Variants in PKD2L1 observed in about 807,000 individuals in gnomAD.
The protein encoded by PKD2L1 is polycystin-2-like protein 1.
A neutral mutation model predicts 93.0 loss-of-function variants in PKD2L1; 77 were observed. The ratio of observed to expected loss-of-function variants is 0.83; its 90% CI spans 0.69 to 1.00. The LOEUF is 1.00. Ranked by LOEUF, PKD2L1 falls within the 50% of genes least tolerant of loss-of-function variation. The probability of loss-of-function intolerance (pLI) is 0.00; values close to 1 mark genes in which losing one functional copy is unlikely to be tolerated. For missense variants in PKD2L1, 977 were observed against 990.9 expected (o/e 0.99, Z 0.19); for synonymous variants, 390 against 388.0 (o/e 1.01, Z -0.06).
In PKD2L1 at chr10:100,298,713, G is replaced by A; in HGVS notation, c.580C>T (p.Leu194=). The A allele has an allele frequency of 1.2e-6, 2 of 1,614,126 alleles. No homozygotes were observed. The highest frequency in any genetic ancestry group is 1.7e-6 in the Non-Finnish European group (2 of 1,180,024). Residue 194 remains leucine, a synonymous_variant, in exon 4 of 16, where the codon CTG becomes TTG. Transcript: ENST00000318222. ...TGCCGCAGCCTCGGAACCCCCAGCA[G>A]CATGTTCTCATAGTAGATGAAGGAG... ...SHSFIYYENM[L]LGVPRLRQLK...
chr10:100,321,851 G>GC lies in PKD2L1; in HGVS notation c.349+7359_349+7360insG, dbSNP rs1483918018. Among the ~76,000 whole-genome samples, 3 of 1,222 alleles carry GC rather than the reference G, an allele frequency of 2.5e-3. 1 individual carries two copies. The highest frequency in any genetic ancestry group is 3.8e-3 in the African/African-American group (3 of 786). 0.8% of individuals were successfully genotyped at this position (1,222 alleles called of 152,430 possible). A position where few individuals can be genotyped will look rare whatever the true frequency, so the allele number is the denominator to read the frequency against. On this transcript the variant is annotated intron_variant, in intron 2 of 15. Coordinates refer to ENST00000318222, the MANE Select transcript of PKD2L1 (RefSeq NM_016112.3). The stretch of plus-strand genomic sequence containing the variant: ...AGAAAGAAGGAAAGCAAGCAAGCAA[G>GC]AAGGCAGGCAGGCAGGCAGGCAGGC...
intron 2 of PKD2L1, among the ~76,000 whole-genome samples, chr10:100,324,851 G>A (rs1041695742): frequency 1.3e-5 from 2 of 152,126 alleles, no homozygotes; most frequent in African/African-American, 2.4e-5. Context: ...ATTTGAACCC[G>A]GTCATGGGAA....
intron 2 of PKD2L1, among the ~76,000 whole-genome samples, chr10:100,302,280 C>CACACACACACACAT (rs1554916598): frequency 2.0e-5 from 3 of 150,736 alleles, no homozygotes; most frequent in African/African-American, 4.9e-5. Flanking sequence ...CACACACACA[C>CACACACACACACAT]ATATCAATTA....
At chr10:100,308,670 A>G in intron 2 of PKD2L1, among the ~76,000 whole-genome samples, 1 of 152,220 alleles carries the variant, frequency 6.6e-6, no homozygotes, top group East Asian at 1.9e-4. Flanking sequence ...AAAAGATAAT[A>G]TAGCAAGCAA....
rs75757231 is a variant in PKD2L1, at chr10:100,307,239, C to T, written c.350-7521G>A. Among the ~76,000 whole-genome samples the T allele has an allele frequency of 2.0e-5, 3 of 152,216 alleles. No homozygotes were observed. In the East Asian group the frequency reaches 5.8e-4, roughly 29 times the overall value. Reference sequence around the variant, plus strand: ...GCGGTGGGTGCCAATATTATCCATGCTTTCCAGTTTTGGAGAGTTTAAGTA... The same window carrying T: ...GCGGTGGGTGCCAATATTATCCATGTTTTCCAGTTTTGGAGAGTTTAAGTA... On this transcript the variant is annotated intron_variant, in intron 2 of 15. Transcript: ENST00000318222.
chr10:100,290,254 A>T, intron 13 of PKD2L1, 116 bp from the exon 14 acceptor site: 1 of 1,407,526 alleles, frequency 7.1e-7, no homozygotes, highest in Non-Finnish European at 9.9e-7. Context: ...GGAAGGGAAG[A>T]CCCAGCCTTG....
intron 2 of PKD2L1, among the ~76,000 whole-genome samples, chr10:100,305,193 C>A (rs1305161472): frequency 6.6e-6 from 1 of 150,742 alleles, no homozygotes; most frequent in Non-Finnish European, 1.5e-5. Flanking sequence ...CTCACTGCAA[C>A]CTCTGCCTCC....
rs1848540107 is a variant in PKD2L1, at chr10:100,296,375, C to T, written c.1186-83G>A. On this transcript the variant is annotated intron_variant, in intron 6 of 15. Coordinates refer to ENST00000318222, the MANE Select transcript of PKD2L1 (RefSeq NM_016112.3). ...CCAAGATGAGGCCCCAAGGGAGAGT[C>T]AGGGTAGGTAAGACAGGTGGGAAAA... 4.2e-6 allele frequency: 5 copies of T among 1,184,308 alleles called. No individual in the cohort carries two copies. In the South Asian group the frequency reaches 8.3e-5, roughly 20 times the overall value. 73.4% of individuals were successfully genotyped at this position (1,184,308 alleles called of 1,614,324 possible).
chr10:100,318,134 A>G (rs541681922), intron 2 of PKD2L1, among the ~76,000 whole-genome samples: 10 of 152,000 alleles, frequency 6.6e-5, no homozygotes, highest in East Asian at 3.9e-4. Context: ...TATTTTTGTG[A>G]GTAGAACCTC....
chr10:100,318,547 C>A (rs1408952218), intron 2 of PKD2L1, among the ~76,000 whole-genome samples: 1 of 144,100 alleles, frequency 6.9e-6, no homozygotes, highest in East Asian at 2.0e-4. Flanking sequence ...TAGGCAGAAT[C>A]TTGCTCTGTC....
At chr10:100,295,170 A>C in intron 7 of PKD2L1, 47 bp from the exon 8 acceptor site, 1 of 1,538,586 alleles carries the variant, frequency 6.5e-7, no homozygotes, top group Non-Finnish European at 8.9e-7. Context: ...AAAAGGGAAA[A>C]GCATTGAAAA....
chr10:100,295,428 TAAAA>T (rs751427378), intron 7 of PKD2L1, among the ~76,000 whole-genome samples: 2 of 71,222 alleles, frequency 2.8e-5, no homozygotes, highest in African/African-American at 1.1e-4. Flanking sequence ...CTGGGACCAT[TAAAA>T]AAAAAAAAAA....
rs549248675 is a variant in PKD2L1, at chr10:100,292,837, G to T, written c.1880+111C>A. On this transcript the variant is annotated intron_variant, in intron 11 of 15. Transcript: ENST00000318222. ...CAAAGATCTGAAGCCTGCAAGTCAA[G>T]ATCAGAGGCCCCTAAACTAAAACCA... is the stretch of plus-strand genomic sequence containing the variant. The T allele has an allele frequency of 4.2e-5, 47 of 1,128,366 alleles. No individual in the cohort carries two copies. In the African/African-American group the frequency reaches 4.9e-4, roughly 12 times the overall value. The allele number at this position is 1,128,366 out of a possible 1,614,324, so 69.9% of individuals were successfully genotyped here. A position where few individuals can be genotyped will look rare whatever the true frequency, so the allele number is the denominator to read the frequency against.
chr10:100,299,859 G>A, intron 2 of PKD2L1, 141 bp from the exon 3 acceptor site: 1 of 688,320 alleles, frequency 1.5e-6, no homozygotes, highest in Admixed American at 2.4e-5. Flanking sequence ...TTGGTTAGGA[G>A]CCTAATGGTG....
intron 9 of PKD2L1, 108 bp downstream of exon 9, chr10:100,294,427 C>G (rs941538518): frequency 5.8e-6 from 7 of 1,212,950 alleles, no homozygotes; most frequent in Admixed American, 3.6e-5. Flanking sequence ...CCCACTCACT[C>G]TCCATCCTTG....
chr10:100,322,085 G>A, intron 2 of PKD2L1, among the ~76,000 whole-genome samples: 1 of 151,768 alleles, frequency 6.6e-6, no homozygotes. Flanking sequence ...AATTAACCAG[G>A]TGTGGTGGTG....
chr10:100,319,641 T>C (rs1275508189), intron 2 of PKD2L1, among the ~76,000 whole-genome samples: 1 of 152,226 alleles, frequency 6.6e-6, no homozygotes, highest in Non-Finnish European at 1.5e-5. Context: ...AACCTTGAAA[T>C]CCACTAAAAG....
In PKD2L1 at chr10:100,298,590, GT is replaced by G; in HGVS notation, c.702del (p.Gln234HisfsTer85). ...YDVYSPDKEEQLPFGPFNGTA... is the reference protein window; with the variant it reads ...YDVYSPDKEEXLPFGPFNGTA... ...GTGCCATTGAAGGGCCCAAAGGGGA[GT>G]TGTTCTTCTTTGTCTGGAGAGTAGA... On this transcript the variant is annotated frameshift_variant, in exon 4 of 16. Coordinates refer to ENST00000318222, the MANE Select transcript of PKD2L1 (RefSeq NM_016112.3). LOFTEE classifies it high-confidence loss of function. 6.2e-7 allele frequency: 1 copy of G among 1,614,120 alleles called. No individual in the cohort carries two copies. The highest frequency in any genetic ancestry group is 8.5e-7 in the Non-Finnish European group (1 of 1,179,994).
chr10:100,314,805 G>C (rs1004597726), intron 2 of PKD2L1, among the ~76,000 whole-genome samples: 5 of 151,764 alleles, frequency 3.3e-5, no homozygotes, highest in Non-Finnish European at 7.4e-5. Flanking sequence ...GGCTGAGGTG[G>C]GTGGGGATCA....
Sources: allele counts gnomAD v4.1 joint callset (sites outside exome capture counted in the v4.1 genomes callset), GRCh38; gene constraint gnomAD v4.1.1; transcripts MANE v1.5; gene names NCBI Gene and HGNC (gene_info 2026-07-23, HGNC 2026-07-21).